SREBF2: variants seen among roughly 807,000 people sequenced by gnomAD.
The protein encoded by SREBF2 is sterol regulatory element-binding protein 2.
SREBF2 carries 55 observed loss-of-function variants against 113.1 expected under a neutral mutation model. The ratio of observed to expected loss-of-function variants is 0.49; its 90% CI spans 0.39 to 0.61. The LOEUF (loss-of-function observed/expected upper bound fraction) is 0.61. Among genes scored for constraint, SREBF2 ranks in the 20% least tolerant of loss-of-function variants. The probability of loss-of-function intolerance (pLI) is 0.00; values close to 1 mark genes in which losing one functional copy is unlikely to be tolerated. For synonymous variants in SREBF2, 593 were observed against 605.7 expected, an observed-to-expected ratio of 0.98 and a Z score of 0.31; for missense variants, 1,349 against 1,487.4, an observed-to-expected ratio of 0.91 and a Z score of 1.53.
In SREBF2 at chr22:41,877,330, C is replaced by T. The variant is rs146289041; in HGVS notation, c.1488C>T (p.Pro496=). Residue 496 remains proline, a synonymous_variant, in exon 8 of 19, where the codon CCC becomes CCT. Coordinates refer to ENST00000361204, the MANE Select transcript of SREBF2 (RefSeq NM_004599.4). ...CCTTCCTGTGCCTCTCCTTTAACCC[C>T]CTGACTTCCCTGCTGCAGTGGGGAG... ...VLTFLCLSFN[P]LTSLLQWGGA... 3.0e-5 allele frequency: 49 copies of T among 1,614,178 alleles called. No homozygotes were observed. The South Asian group carries it at 5.3e-4, about 17-fold the overall frequency.
At chr22:41,879,255 G>A (rs1397108603) in intron 9 of SREBF2, among the ~76,000 whole-genome samples, 2 of 152,230 alleles carry the variant, frequency 1.3e-5, no homozygotes, top group Non-Finnish European at 2.9e-5. Context: ...TATTTGAAAT[G>A]TAATATTTGG....
At chr22:41,904,010 G>C (rs2077485121) in intron 17 of SREBF2, among the ~76,000 whole-genome samples, 1 of 152,232 alleles carries the variant, frequency 6.6e-6, no homozygotes, top group South Asian at 2.1e-4. Context: ...ACTCTGGTCA[G>C]CTCTCTGGTC....
intron 1 of SREBF2, among the ~76,000 whole-genome samples, chr22:41,843,721 G>A (rs935078493): frequency 2.6e-5 from 4 of 152,040 alleles, no homozygotes; most frequent in East Asian, 3.8e-4. Flanking sequence ...CTGTCCAGGC[G>A]CAGTAGCTCA....
At chr22:41,891,941 G>A (rs2077367141) in intron 11 of SREBF2, among the ~76,000 whole-genome samples, 1 of 152,192 alleles carries the variant, frequency 6.6e-6, no homozygotes, top group South Asian at 2.1e-4. Flanking sequence ...TTGTCAGTGG[G>A]GTCCTGGAAT....
chr22:41,902,252 G>A (rs1000976904), intron 16 of SREBF2, among the ~76,000 whole-genome samples: 8 of 152,176 alleles, frequency 5.3e-5, no homozygotes, highest in African/African-American at 9.6e-5. Context: ...GTGCCACTGC[G>A]AGCCGGGTGG....
At chr22:41,856,490 A>G (rs1215908733) in intron 1 of SREBF2, among the ~76,000 whole-genome samples, 2 of 152,226 alleles carry the variant, frequency 1.3e-5, no homozygotes, top group Admixed American at 6.5e-5. Flanking sequence ...TGACTAGATC[A>G]TCTGAGGTGG....
At chr22:41,864,251 TATATATATATAC>T (rs133282) in intron 1 of SREBF2, among the ~76,000 whole-genome samples, 7,086 of 94,444 alleles carry the variant, frequency 0.075, 315 homozygotes, top group Non-Finnish European at 0.11. Flanking sequence ...TATATATATA[TATATATATATAC>T]ACACACACAC....
chr22:41,897,014 T>A, intron 13 of SREBF2, 38 bp from the exon 14 acceptor site: 1 of 1,457,320 alleles, frequency 6.9e-7, no homozygotes, highest in Non-Finnish European at 9.6e-7. Context: ...CTTGTGTATA[T>A]GTTTTGATGT....
In SREBF2 at chr22:41,877,979, T is replaced by A; in HGVS notation, c.1617T>A (p.Leu539=). 6.2e-7 allele frequency: 1 copy of A among 1,614,140 alleles called. No individual in the cohort carries two copies. Among genetic ancestry groups the A allele is most frequent in the Non-Finnish European group, 8.5e-7 (1 of 1,180,032 alleles). Residue 539 remains leucine, a synonymous_variant, in exon 9 of 19, where the codon CTT becomes CTA. Coordinates refer to ENST00000361204, the MANE Select transcript of SREBF2 (RefSeq NM_004599.4). ...GGWFDWMMPT[L]LLWLVNGVIV... Reference sequence around the variant, plus strand: ...GGTTTGACTGGATGATGCCTACTCTTCTCTTATGGCTGGTAAATGGTGTGA... The same window carrying A: ...GGTTTGACTGGATGATGCCTACTCTACTCTTATGGCTGGTAAATGGTGTGA...
At chr22:41,844,771 G>C (rs1267390197) in intron 1 of SREBF2, among the ~76,000 whole-genome samples, 1 of 152,116 alleles carries the variant, frequency 6.6e-6, no homozygotes, top group East Asian at 1.9e-4. Context: ...TTGCTAACCT[G>C]GTGTCTGCCC....
rs182758758 is a variant in SREBF2, at chr22:41,906,329, A to G, written c.*669A>G. On this transcript the variant is annotated 3_prime_UTR_variant, in exon 19 of 19. Transcript: ENST00000361204. ...TGCGGATGCATGAAATAATGTTGGC[A>G]TTATTTTTTAATTTTTTAAAAAATA... 0.02 allele frequency: 3,906 copies of G among 199,176 alleles called. 157 individuals are homozygous for G. The highest frequency in any genetic ancestry group is 0.086 in the African/African-American group (3,644 of 42,306). The allele number at this position is 199,176 out of a possible 1,614,324, so 12.3% of individuals were successfully genotyped here. A position where few individuals can be genotyped will look rare whatever the true frequency, so the allele number is the denominator to read the frequency against.
chr22:41,897,670 A>G (rs920089229), intron 14 of SREBF2, among the ~76,000 whole-genome samples: 1 of 152,200 alleles, frequency 6.6e-6, no homozygotes, highest in South Asian at 2.1e-4. Context: ...CATCAGGATG[A>G]TAGCACATCA....
intron 1 of SREBF2, among the ~76,000 whole-genome samples, chr22:41,851,588 G>A (rs2076931033): frequency 6.6e-6 from 1 of 152,124 alleles, no homozygotes; most frequent in South Asian, 2.1e-4. Flanking sequence ...CCACCTCCCG[G>A]GTTCAAGCGA....
At chr22:41,841,484 CTCTG>C (rs2076830054) in intron 1 of SREBF2, among the ~76,000 whole-genome samples, 1 of 152,210 alleles carries the variant, frequency 6.6e-6, no homozygotes, top group African/African-American at 2.4e-5. Flanking sequence ...CTCCTCCCTC[CTCTG>C]TCTATTTGGC....
chr22:41,905,492 G>GGCCTGCCGCCACCT lies in SREBF2; in HGVS notation c.3262_3275dup (p.Leu1093AlafsTer41), dbSNP rs1393466914. 1.3e-6 allele frequency: 2 copies of GGCCTGCCGCCACCT among 1,580,146 alleles called. No individual in the cohort carries two copies. The highest frequency in any genetic ancestry group is 1.7e-6 in the Non-Finnish European group (2 of 1,163,660). Reference sequence around the variant, plus strand: ...GAGAGCGGGCCACCGCCATCCTGCTGGCCTGCCGCCACCTGCCCCTCTCCT... The same window carrying GGCCTGCCGCCACCT: ...GAGAGCGGGCCACCGCCATCCTGCTGGCCTGCCGCCACCTGCCTGCCGCCACCTGCCCCTCTCCT... On this transcript the variant is annotated frameshift_variant, in exon 19 of 19. Transcript: ENST00000361204. LOFTEE classifies it high-confidence loss of function.
chr22:41,856,780 T>C (rs960502295), intron 1 of SREBF2, among the ~76,000 whole-genome samples: 1 of 152,088 alleles, frequency 6.6e-6, no homozygotes, highest in African/African-American at 2.4e-5. Context: ...TTAAAGAATT[T>C]GATTTGATTA....
At chr22:41,855,035 A>G (rs921600887) in intron 1 of SREBF2, among the ~76,000 whole-genome samples, 1 of 151,360 alleles carries the variant, frequency 6.6e-6, no homozygotes, top group African/African-American at 2.4e-5. Context: ...AAAAAAAAAA[A>G]CTTACTATGT....
rs1422283638 is a variant in SREBF2 at position 41,899,925 on chromosome 22, GCTAA to G, written c.2739-400_2739-397del. 81 of 1,135,700 alleles carry G rather than the reference GCTAA, an allele frequency of 7.1e-5. No individual in the cohort carries two copies. In the African/African-American group the frequency reaches 1.1e-3, roughly 15 times the overall value. The allele number at this position is 1,135,700 out of a possible 1,614,324, so 70.4% of individuals were successfully genotyped here. On this transcript the variant is annotated intron_variant, in intron 15 of 18. Transcript: ENST00000361204. ...CTCCCAGTCTCCTCTACAGAAAGAAGCTAACTAAGTATCTCCAGAGAGTTTAATA... is the reference window on the plus strand; with the variant it reads ...CTCCCAGTCTCCTCTACAGAAAGAAGCTAAGTATCTCCAGAGAGTTTAATA...
chr22:41,857,780 C>T (rs1008165384), intron 1 of SREBF2, among the ~76,000 whole-genome samples: 2 of 152,122 alleles, frequency 1.3e-5, no homozygotes, highest in Non-Finnish European at 2.9e-5. Flanking sequence ...TCTGATGTGC[C>T]CCCTGGTGTT....
Sources: gnomAD v4.1 joint callset for allele counts (sites outside exome capture counted in the v4.1 genomes callset) on GRCh38, gnomAD v4.1.1 for gene constraint, MANE v1.5 for transcripts, NCBI Gene and HGNC (gene_info 2026-07-23, HGNC 2026-07-21) for gene names.